The following PDSS2 variants were observed in gnomAD, a reference collection of about 807,000 sequenced individuals.
PDSS2 encodes the protein all trans-polyprenyl-diphosphate synthase PDSS2.
A neutral mutation model predicts 44.5 loss-of-function variants in PDSS2; 31 were observed. The ratio of observed to expected loss-of-function variants is 0.70; its 90% CI spans 0.52 to 0.94. The LOEUF (loss-of-function observed/expected upper bound fraction) is 0.94. Among genes scored for constraint, PDSS2 ranks in the 40% least tolerant of loss-of-function variants. PDSS2 has a pLI of 0.00. For synonymous variants in PDSS2, 157 were observed against 180.3 expected, an observed-to-expected ratio of 0.87 and a Z score of 1.03; for missense variants, 452 against 482.2, an observed-to-expected ratio of 0.94 and a Z score of 0.59.
intron 2 of PDSS2, among the ~76,000 whole-genome samples, chr6:107,300,626 G>A (rs867230059): frequency 6.6e-6 from 1 of 152,222 alleles, no homozygotes; most frequent in South Asian, 2.1e-4. Context: ...TGAGAGCACA[G>A]GGGGAGGGAC....
chr6:107,383,663 T>C (rs1204191471), intron 1 of PDSS2, among the ~76,000 whole-genome samples: 1 of 151,950 alleles, frequency 6.6e-6, no homozygotes, highest in Admixed American at 6.6e-5. Flanking sequence ...GATATACAAA[T>C]GGGCAACAAG....
chr6:107,297,657 G>C (rs576109921), intron 2 of PDSS2, among the ~76,000 whole-genome samples: 1 of 151,724 alleles, frequency 6.6e-6, no homozygotes, highest in East Asian at 2.0e-4. Flanking sequence ...TGGGATTACA[G>C]GCATGAGCCC....
In PDSS2 at chr6:107,154,657, A is replaced by C; in HGVS notation, c.1162T>G (p.Leu388Val). The stretch of plus-strand genomic sequence containing the variant: ...GTCACAGCAAACACAATGTTTTCTA[A>C]AGCAGATCTGGCCTCCGAGGGAGGA... ...SFPPSEARSA[L>V]ENIVFAVTRF... is the part of the protein sequence containing the mutation. The change falls in exon 8 of 8, where the codon TTA becomes GTA. Residue 388 changes from leucine to valine, a missense_variant. Leu to Val is a conservative substitution (Grantham distance 32). Coordinates refer to ENST00000369037, the MANE Select transcript of PDSS2 (RefSeq NM_020381.4). 6.2e-7 allele frequency: 1 copy of C among 1,614,226 alleles called. No homozygotes were observed. The highest frequency in any genetic ancestry group is 8.5e-7 in the Non-Finnish European group (1 of 1,180,022).
At chr6:107,225,157 ATATATTTTTTTTTT>A (rs1773764086) in intron 4 of PDSS2, among the ~76,000 whole-genome samples, 1 of 30,586 alleles carries the variant, frequency 3.3e-5, no homozygotes, top group Middle Eastern at 9.3e-3. Context: ...ATATATATAT[ATATATTTTTTTTTT>A]TTTTTTTTTT....
At chr6:107,363,655 G>A (rs942891363) in intron 1 of PDSS2, among the ~76,000 whole-genome samples, 4 of 152,198 alleles carry the variant, frequency 2.6e-5, no homozygotes, top group African/African-American at 7.2e-5. Flanking sequence ...CGGTGTGGAA[G>A]GGGACCCGAG....
intron 6 of PDSS2, among the ~76,000 whole-genome samples, chr6:107,202,402 A>C (rs1221601334): frequency 2.1e-4 from 31 of 150,848 alleles, no homozygotes; most frequent in Admixed American, 1.9e-3. Flanking sequence ...CAAACAAAAC[A>C]AAACAAAACA....
chr6:107,335,564 C>A (rs1266377844), intron 1 of PDSS2, among the ~76,000 whole-genome samples: 1 of 152,148 alleles, frequency 6.6e-6, no homozygotes, highest in Non-Finnish European at 1.5e-5. Flanking sequence ...AACAACAAGG[C>A]TTTAACTTAG....
intron 2 of PDSS2, among the ~76,000 whole-genome samples, chr6:107,285,268 C>CA (rs1275842673): frequency 6.6e-6 from 1 of 151,776 alleles, no homozygotes; most frequent in South Asian, 2.1e-4. Flanking sequence ...TTGAAAATTA[C>CA]AAAAAAACAA....
At chr6:107,240,441 C>T (rs1774383916) in intron 4 of PDSS2, among the ~76,000 whole-genome samples, 1 of 148,324 alleles carries the variant, frequency 6.7e-6, no homozygotes, top group Non-Finnish European at 1.5e-5. Flanking sequence ...TCACTCTGTC[C>T]AGGCTGGAGT....
At chr6:107,167,870 T>C (rs1291977413) in intron 7 of PDSS2, among the ~76,000 whole-genome samples, 3 of 152,122 alleles carry the variant, frequency 2.0e-5, no homozygotes, top group East Asian at 1.9e-4. Flanking sequence ...TGTTCTTTTA[T>C]ATTTGCTGAG....
At chr6:107,458,019 T>C (rs954037709) in intron 1 of PDSS2, among the ~76,000 whole-genome samples, 1 of 152,126 alleles carries the variant, frequency 6.6e-6, no homozygotes, top group African/African-American at 2.4e-5. Context: ...AGTATATATA[T>C]CTGTGTGTAT....
chr6:107,344,763 C>A (rs1163616015), intron 1 of PDSS2, among the ~76,000 whole-genome samples: 1 of 152,014 alleles, frequency 6.6e-6, no homozygotes, highest in Non-Finnish European at 1.5e-5. Flanking sequence ...TGAAATATAA[C>A]TGAAATTAAA....
At chr6:107,349,751 AAAACAAACAAAC>A (rs34141361) in intron 1 of PDSS2, among the ~76,000 whole-genome samples, 4 of 151,504 alleles carry the variant, frequency 2.6e-5, no homozygotes, top group Admixed American at 6.6e-5. Flanking sequence ...CTCAGCCTCA[AAAACAAACAAAC>A]AAACAAACAA....
At chr6:107,410,612 CA>C (rs2114647749) in intron 1 of PDSS2, among the ~76,000 whole-genome samples, 1 of 152,090 alleles carries the variant, frequency 6.6e-6, no homozygotes, top group Admixed American at 6.5e-5. Flanking sequence ...TTCGGCCTCC[CA>C]AATAGCTGGG....
chr6:107,329,421 C>T (rs1777645990), intron 2 of PDSS2, among the ~76,000 whole-genome samples: 1 of 152,142 alleles, frequency 6.6e-6, no homozygotes, highest in Admixed American at 6.5e-5. Flanking sequence ...TCCACCTCAT[C>T]TTCATTCCCT....
intron 7 of PDSS2, among the ~76,000 whole-genome samples, chr6:107,181,363 T>A (rs1207699852): frequency 1.3e-5 from 2 of 150,478 alleles, no homozygotes; most frequent in African/African-American, 4.9e-5. Context: ...TGAAACCCCG[T>A]CTCTACTAAA....
intron 1 of PDSS2, among the ~76,000 whole-genome samples, chr6:107,422,555 G>A (rs911313336): frequency 6.6e-6 from 1 of 151,698 alleles, no homozygotes; most frequent in African/African-American, 2.4e-5. Flanking sequence ...GAAGAATTCA[G>A]GAGAAAAACA....
chr6:107,325,136 T>C (rs1317270696), intron 2 of PDSS2, among the ~76,000 whole-genome samples: 4 of 152,208 alleles, frequency 2.6e-5, no homozygotes, highest in Admixed American at 6.5e-5. Context: ...AAATATTCTA[T>C]CACTTCCTCT....
At chr6:107,448,422 C>G (rs1781759060) in intron 1 of PDSS2, among the ~76,000 whole-genome samples, 1 of 152,200 alleles carries the variant, frequency 6.6e-6, no homozygotes, top group South Asian at 2.1e-4. Flanking sequence ...CCACAGTTCT[C>G]TAGGGCAAGG....
Sources: gnomAD v4.1 joint callset for allele counts (sites outside exome capture counted in the v4.1 genomes callset) on GRCh38, gnomAD v4.1.1 for gene constraint, MANE v1.5 for transcripts, NCBI Gene and HGNC (gene_info 2026-07-23, HGNC 2026-07-21) for gene names.